Variants in TMCO2 observed in about 807,000 individuals in gnomAD.
The protein encoded by TMCO2 is transmembrane and coiled-coil domain-containing protein 2.
A neutral mutation model predicts 18.0 loss-of-function variants in TMCO2; 15 were observed. The ratio of observed to expected loss-of-function variants is 0.84; its 90% confidence interval spans 0.56 to 1.29. TMCO2 has a LOEUF of 1.29. Ranked by LOEUF, TMCO2 falls within the 50% of genes most tolerant of loss-of-function variation. The pLI is 0.00. For synonymous variants in TMCO2, 79 were observed against 75.9 expected, an observed-to-expected ratio of 1.04 and a Z score of -0.21; for missense variants, 182 against 200.9, an observed-to-expected ratio of 0.91 and a Z score of 0.57.
intron 1 of TMCO2, 140 bp downstream of exon 1, chr1:40,248,370 G>A: frequency 5.9e-6 from 4 of 677,512 alleles, no homozygotes; most frequent in Non-Finnish European, 7.3e-6. Flanking sequence ...CAAAAACTAG[G>A]TTATCCTTGA....
rs754224866 is a variant in TMCO2 at position 40,248,047 on chromosome 1, C to A, written c.54C>A (p.Leu18=). ...ACAACCTCTTAGAGTCTCTCTCTCT[C>A]AGCACAGTATGGAATTGGATACAAG... ...SWDNLLESLS[L]STVWNWIQAS... Residue 18 remains leucine, a synonymous_variant, in exon 1 of 2, where the codon CTC becomes CTA. Coordinates refer to ENST00000372766, the MANE Select transcript of TMCO2 (RefSeq NM_001008740.4). The A allele has an allele frequency of 3.7e-6, 6 of 1,614,100 alleles. No homozygotes were observed. In the African/African-American group the frequency reaches 8.0e-5, roughly 22 times the overall value.
chr1:40,248,439 T>A (rs1569592352), intron 1 of TMCO2, among the ~76,000 whole-genome samples: 1 of 152,314 alleles, frequency 6.6e-6, no homozygotes, highest in Non-Finnish European at 1.5e-5. Flanking sequence ...GGTCTTTGGC[T>A]TGTCTTCTGT....
In TMCO2 at chr1:40,251,519, C is replaced by T; in HGVS notation, c.474C>T (p.Cys158=). 6.2e-7 allele frequency: 1 copy of T among 1,613,964 alleles called. No homozygotes were observed. The highest frequency in any genetic ancestry group is 2.2e-5 in the East Asian group (1 of 44,882). Residue 158 remains cysteine (C), a synonymous_variant, in exon 2 of 2, where the codon TGC becomes TGT. Coordinates refer to ENST00000372766, the MANE Select transcript of TMCO2 (RefSeq NM_001008740.4). ...AAAAACCTGCCACGAAGAGGGATTG[C>T]TCCTCTGAGCCCTACTGCAGCTGCT... ...VAQKPATKRD[C]SSEPYCSCSD...
At chr1:40,249,450 G>A (rs921850140) in intron 1 of TMCO2, among the ~76,000 whole-genome samples, 21 of 151,538 alleles carry the variant, frequency 1.4e-4, no homozygotes, top group South Asian at 6.2e-4. Flanking sequence ...GTGGTGGCAC[G>A]CGCCTGTAGT....
rs1005895640 is a variant in TMCO2 at position 40,248,247 on chromosome 1, A to G, written c.237+17A>G. On this transcript the variant is annotated intron_variant, in intron 1 of 1. Coordinates refer to ENST00000372766, the MANE Select transcript of TMCO2 (RefSeq NM_001008740.4). ...TCAATTCAGGTTATACTCTTTTGTT[A>G]CAAACATTTATATAGTTATAAATTG... 1 of 1,581,420 alleles carries G rather than the reference A, an allele frequency of 6.3e-7. No individual in the cohort carries two copies. The highest frequency in any genetic ancestry group is 2.2e-5 in the East Asian group (1 of 44,702).
At position 40,251,458 on chromosome 1, in the gene TMCO2, A is replaced by G. The variant is rs1643383838; in HGVS notation, c.413A>G (p.Asn138Ser). 1.2e-6 allele frequency: 2 copies of G among 1,613,620 alleles called. No individual in the cohort carries two copies. Among genetic ancestry groups the G allele is most frequent in the African/African-American group, 2.7e-5 (2 of 74,880 alleles). Residue 138 changes from asparagine to serine, a missense_variant, in exon 2 of 2, where the codon AAC becomes AGC. Coordinates refer to ENST00000372766, the MANE Select transcript of TMCO2 (RefSeq NM_001008740.4). ...KILKKLKTVENKMKNLEGIIV... is the reference protein window; with the variant it reads ...KILKKLKTVESKMKNLEGIIV... ...TTGAAAAAACTTAAGACAGTGGAAAACAAAATGAAGAACCTAGAAGGGATA... is the reference window on the plus strand; with the variant it reads ...TTGAAAAAACTTAAGACAGTGGAAAGCAAAATGAAGAACCTAGAAGGGATA...
intron 1 of TMCO2, among the ~76,000 whole-genome samples, chr1:40,249,257 G>GTGTGTGTGTA (rs1347156895): frequency 5.5e-4 from 31 of 55,992 alleles, no homozygotes; most frequent in South Asian, 9.7e-4. Context: ...GAACAGGAAT[G>GTGTGTGTGTA]TGTGTGTGTG....
Position 40,251,447 on chromosome 1 carries a change from G to A in TMCO2, c.402G>A (p.Lys134=). The change falls in exon 2 of 2, where the codon AAG becomes AAA. Residue 134 remains lysine, a synonymous_variant. Transcript: ENST00000372766. Reference sequence around the variant, plus strand: ...AAGAGAAAATTTTGAAAAAACTTAAGACAGTGGAAAACAAAATGAAGAACC... The same window carrying A: ...AAGAGAAAATTTTGAAAAAACTTAAAACAGTGGAAAACAAAATGAAGAACC... The part of the protein sequence containing the change: ...GLQEKILKKL[K]TVENKMKNLE... The A allele has an allele frequency of 6.2e-7, 1 of 1,613,708 alleles. No homozygotes were observed. Among genetic ancestry groups the A allele is most frequent in the Non-Finnish European group, 8.5e-7 (1 of 1,179,916 alleles).
Position 40,251,675 on chromosome 1 carries a change from G to A in TMCO2, c.*81G>A, listed in dbSNP as rs991979561. 2.3e-5 allele frequency: 33 copies of A among 1,454,336 alleles called. No individual in the cohort carries two copies. Among genetic ancestry groups the A allele is most frequent in the Admixed American group, 4.6e-5 (2 of 43,272 alleles). 90.1% of individuals were successfully genotyped at this position (1,454,336 alleles called of 1,614,324 possible). The stretch of plus-strand genomic sequence containing the variant: ...TGGTGTATCAATAAAGATAGAGAAC[G>A]CTATTGAAATTACCGTGCAAAGACT... On this transcript the variant is annotated 3_prime_UTR_variant, in exon 2 of 2. Transcript: ENST00000372766.
chr1:40,250,332 T>TATATATATAC (rs1553178365), intron 1 of TMCO2, among the ~76,000 whole-genome samples: 16 of 150,088 alleles, frequency 1.1e-4, no homozygotes, highest in African/African-American at 3.7e-4. Context: ...TATATATATA[T>TATATATATAC]ACATTAATTT....
chr1:40,251,316 C>A lies in TMCO2; in HGVS notation c.271C>A (p.Leu91Ile), dbSNP rs917817527. Residue 91 changes from leucine (L) to isoleucine (I), a missense_variant, in exon 2 of 2, where the codon CTT becomes ATT. Coordinates refer to ENST00000372766, the MANE Select transcript of TMCO2 (RefSeq NM_001008740.4). ...GTTGTTTGTAATCACACTCTACAAA[C>A]TTTACAAGAAGGGCTCACATATTTT... ...TLLFVITLYKLYKKGSHIFEA... is the reference protein window; with the variant it reads ...TLLFVITLYKIYKKGSHIFEA... The A allele has an allele frequency of 1.2e-6, 2 of 1,612,788 alleles. No individual in the cohort carries two copies. The highest frequency in any genetic ancestry group is 1.7e-6 in the Non-Finnish European group (2 of 1,179,750).
chr1:40,250,280 G>A (rs933581832), intron 1 of TMCO2, among the ~76,000 whole-genome samples: 2 of 150,908 alleles, frequency 1.3e-5, no homozygotes, highest in Non-Finnish European at 2.9e-5. Flanking sequence ...AGTGCTGGAT[G>A]CAGTGGTCCA....
At chr1:40,248,945 G>A (rs533752703) in intron 1 of TMCO2, among the ~76,000 whole-genome samples, 2 of 152,168 alleles carry the variant, frequency 1.3e-5, no homozygotes, top group African/African-American at 4.8e-5. Flanking sequence ...AAGTTTACTT[G>A]ATAAATGCAG....
At chr1:40,251,202 C>T (rs1206251093) in intron 1 of TMCO2, 81 bp from the exon 2 acceptor site, 4 of 1,121,644 alleles carry the variant, frequency 3.6e-6, no homozygotes, top group Non-Finnish European at 5.1e-6. Flanking sequence ...ATTATTGTTA[C>T]TATTAGGTTT....
Position 40,251,292 on chromosome 1 carries a change from T to C in TMCO2, c.247T>C (p.Leu83=), listed in dbSNP as rs765594712. Residue 83 remains leucine, a synonymous_variant, in exon 2 of 2, where the codon TTG becomes CTG. Transcript: ENST00000372766. ...RSIQSIQKTL[L]FVITLYKLYK... ...TGTTGTTCCATTTTAGAAAACATTG[T>C]TGTTTGTAATCACACTCTACAAACT... 1.5e-5 allele frequency: 24 copies of C among 1,609,368 alleles called. No individual in the cohort carries two copies. The South Asian group carries it at 2.6e-4, about 17-fold the overall frequency.
chr1:40,251,351 G>C lies in TMCO2; in HGVS notation c.306G>C (p.Leu102Phe), dbSNP rs1643382172. 6.2e-7 allele frequency: 1 copy of C among 1,613,750 alleles called. No individual in the cohort carries two copies. Among genetic ancestry groups the C allele is most frequent in the Admixed American group, 1.7e-5 (1 of 59,926 alleles). ...AGGGCTCACATATTTTTGAGGCTTTGCTAGCCAACCCAGAAGGAAGTGGTC... is the reference window on the plus strand; with the variant it reads ...AGGGCTCACATATTTTTGAGGCTTTCCTAGCCAACCCAGAAGGAAGTGGTC... The part of the protein sequence containing the change: ...YKKGSHIFEA[L>F]LANPEGSGLR... Residue 102 changes from leucine (L) to phenylalanine (F), a missense_variant, in exon 2 of 2, where the codon TTG becomes TTC. Physicochemically the swap from Leu to Phe is conservative, Grantham distance 22 (BLOSUM62 0). Coordinates refer to ENST00000372766, the MANE Select transcript of TMCO2 (RefSeq NM_001008740.4).
Position 40,249,978 on chromosome 1 carries a change from G to A in TMCO2, c.238-1305G>A, listed in dbSNP as rs1022752873. ...GCATGAGCCACCGTGCCCAGCATAT[G>A]CTTTATTTTTATTTTTTATTTTTTT... is the stretch of plus-strand genomic sequence containing the variant. On this transcript the variant is annotated intron_variant, in intron 1 of 1. Transcript: ENST00000372766. Among the ~76,000 whole-genome samples the A allele has an allele frequency of 6.0e-5, 9 of 150,828 alleles. No homozygotes were observed. In the South Asian group the frequency reaches 1.7e-3, roughly 28 times the overall value.
chr1:40,249,568 G>A (rs1643364869), intron 1 of TMCO2, among the ~76,000 whole-genome samples: 1 of 149,510 alleles, frequency 6.7e-6, no homozygotes, highest in Non-Finnish European at 1.5e-5. Flanking sequence ...GACAAAGACT[G>A]TGTCTCAAAA....
chr1:40,250,182 A>G (rs867910773), intron 1 of TMCO2, among the ~76,000 whole-genome samples: 1 of 151,674 alleles, frequency 6.6e-6, no homozygotes, highest in Admixed American at 6.6e-5. Flanking sequence ...ATTTTTTTGT[A>G]GAGACAGGGT....
Sources: allele counts gnomAD v4.1 joint callset (sites outside exome capture counted in the v4.1 genomes callset), GRCh38; gene constraint gnomAD v4.1.1; transcripts MANE v1.5; gene names NCBI Gene and HGNC (gene_info 2026-07-23, HGNC 2026-07-21).